The following AKR1C3 variants were observed in gnomAD, a reference collection of about 807,000 sequenced individuals.
The protein encoded by AKR1C3 is 3-alpha hydroxysteroid dehydrogenase, type II.
AKR1C3 carries 48 observed loss-of-function variants against 43.6 expected under a neutral mutation model. That is an observed-to-expected ratio of 1.10 (90% CI 0.87 to 1.40). The LOEUF (loss-of-function observed/expected upper bound fraction) is 1.40. Ranked by LOEUF, AKR1C3 falls within the 40% of genes most tolerant of loss-of-function variation. The probability of loss-of-function intolerance (pLI) is 0.00; values close to 1 mark genes in which losing one functional copy is unlikely to be tolerated. For synonymous variants in AKR1C3, 162 were observed against 139.6 expected (o/e 1.16, Z -1.13); for missense variants, 482 against 391.2 (o/e 1.23, Z -1.96).
At chr10:5,081,197 GGCTATAA>G (rs1554782311) in intron 1 of AKR1C3, among the ~76,000 whole-genome samples, 6 of 152,156 alleles carry the variant, frequency 3.9e-5, no homozygotes, top group Non-Finnish European at 1.5e-5. Flanking sequence ...TTGTAATACA[GGCTATAA>G]GCTATAAGCA....
intron 1 of AKR1C3, among the ~76,000 whole-genome samples, chr10:5,062,965 A>G (rs188945254): frequency 7.9e-5 from 12 of 152,248 alleles, no homozygotes; most frequent in Admixed American, 5.2e-4. Flanking sequence ...GGGACCTCCA[A>G]TCCCTGATTC....
At chr10:5,090,904 T>A (rs2211625), upstream of AKR1C3, among the ~76,000 whole-genome samples, 60 of 152,232 alleles carry the variant, frequency 3.9e-4, no homozygotes, top group East Asian at 0.01. Flanking sequence ...AGTCAAATGC[T>A]ATTAATAGGA....
intron 1 of AKR1C3, among the ~76,000 whole-genome samples, chr10:5,070,685 G>A (rs1225244761): frequency 6.6e-6 from 1 of 152,182 alleles, no homozygotes; most frequent in Non-Finnish European, 1.5e-5. Flanking sequence ...AATGGGATTA[G>A]TGTCCTTGTT....
intron 1 of AKR1C3, among the ~76,000 whole-genome samples, chr10:5,086,446 T>A (rs1838966801): frequency 6.6e-6 from 1 of 151,654 alleles, no homozygotes; most frequent in Non-Finnish European, 1.5e-5. Context: ...AGAGACAGTT[T>A]GTTATAATTT....
At chr10:5,107,414 T>TA in intron 8 of AKR1C3, 47 bp from the exon 9 acceptor site, 1 of 1,318,526 alleles carries the variant, frequency 7.6e-7, no homozygotes, top group Non-Finnish European at 1.1e-6. Flanking sequence ...ACTACTCCCC[T>TA]AGTAATGGAG....
At chr10:5,094,657 C>T (rs1839169023) in intron 1 of AKR1C3, 129 bp downstream of exon 1, 4 of 999,120 alleles carry the variant, frequency 4.0e-6, no homozygotes, top group Non-Finnish European at 6.0e-6. Flanking sequence ...GTTTCCTAGG[C>T]TAGGAGAAAA....
Position 5,079,457 on chromosome 10 carries a change from T to C in AKR1C3, c.85-16953T>C, listed in dbSNP as rs1838784629. ...GCTGAGGAAATACACGTTAGTGAAG[T>C]GAACAGAGGAGAAAAGCATTTCTCT... is the stretch of plus-strand genomic sequence containing the variant. On this transcript the variant is annotated intron_variant, in intron 1 of 8. Coordinates refer to the AKR1C3 transcript ENST00000439082. Among the ~76,000 whole-genome samples the C allele has an allele frequency of 2.0e-5, 3 of 152,232 alleles. No homozygotes were observed. In the South Asian group the frequency reaches 6.2e-4, roughly 32 times the overall value.
chr10:5,105,554 C>G (rs782372273), intron 7 of AKR1C3, 41 bp from the exon 8 acceptor site: 2 of 1,474,688 alleles, frequency 1.4e-6, no homozygotes, highest in Admixed American at 1.8e-5. Flanking sequence ...GGATTCACAA[C>G]TGGCAATCTA....
intron 1 of AKR1C3, among the ~76,000 whole-genome samples, chr10:5,051,305 C>A (rs1233029234): frequency 1.3e-5 from 2 of 152,182 alleles, no homozygotes; most frequent in Non-Finnish European, 2.9e-5. Context: ...CCATGTTGGT[C>A]AGACTGGTCT....
intron 1 of AKR1C3, among the ~76,000 whole-genome samples, chr10:5,094,846 TAGG>T: frequency 6.6e-6 from 1 of 152,150 alleles, no homozygotes; most frequent in East Asian, 1.9e-4. Context: ...TTAATTGCAA[TAGG>T]AGTGATTTCT....
At chr10:5,054,659 G>T (rs368714473) in intron 1 of AKR1C3, among the ~76,000 whole-genome samples, 1 of 151,890 alleles carries the variant, frequency 6.6e-6, no homozygotes, top group African/African-American at 2.4e-5. Flanking sequence ...CTCTCTTTCT[G>T]ACTCTGACTT....
At chr10:5,078,858 T>A (rs1838772807) in intron 1 of AKR1C3, among the ~76,000 whole-genome samples, 1 of 152,254 alleles carries the variant, frequency 6.6e-6, no homozygotes, top group Non-Finnish European at 1.5e-5. Context: ...GAGCTTCAGA[T>A]GCCTGGTCTG....
chr10:5,068,751 G>A (rs1368930133), intron 1 of AKR1C3, among the ~76,000 whole-genome samples: 3 of 152,160 alleles, frequency 2.0e-5, no homozygotes, highest in African/African-American at 7.2e-5. Context: ...GGGGAGAAGA[G>A]GCAAGAGCAC....
chr10:5,061,082 G>C (rs1393569209), intron 1 of AKR1C3, among the ~76,000 whole-genome samples: 2 of 152,188 alleles, frequency 1.3e-5, no homozygotes, highest in Non-Finnish European at 2.9e-5. Context: ...GCCCAGAAAG[G>C]GGCTCCCACA....
chr10:5,067,083 T>C (rs1838521761), intron 1 of AKR1C3, among the ~76,000 whole-genome samples: 1 of 152,246 alleles, frequency 6.6e-6, no homozygotes, highest in South Asian at 2.1e-4. Flanking sequence ...AGGCAACATA[T>C]GTACCATTAA....
At chr10:5,057,303 G>A (rs1838281690) in intron 1 of AKR1C3, among the ~76,000 whole-genome samples, 11 of 152,156 alleles carry the variant, frequency 7.2e-5, no homozygotes, top group Admixed American at 7.2e-4. Flanking sequence ...GTTTGTCTGA[G>A]GGCCATGACT....
At chr10:5,088,609 A>G (rs1554783607) in intron 1 of AKR1C3, among the ~76,000 whole-genome samples, 1 of 151,488 alleles carries the variant, frequency 6.6e-6, no homozygotes, top group Non-Finnish European at 1.5e-5. Flanking sequence ...CATTGGTATA[A>G]AAGTCTGTTT....
chr10:5,105,568 AT>A, intron 7 of AKR1C3, 26 bp from the exon 8 acceptor site: 2 of 1,577,152 alleles, frequency 1.3e-6, no homozygotes, highest in Non-Finnish European at 1.7e-6. Context: ...CAATCTAAAA[AT>A]AATAAAAGTT....
chr10:5,050,109 A>T (rs1179709443), intron 1 of AKR1C3, among the ~76,000 whole-genome samples: 1 of 152,166 alleles, frequency 6.6e-6, no homozygotes, highest in African/African-American at 2.4e-5. Flanking sequence ...ATTTCCATCA[A>T]CCTTGTGGTC....
Sources: gnomAD v4.1 joint callset for allele counts (sites outside exome capture counted in the v4.1 genomes callset) on GRCh38, gnomAD v4.1.1 for gene constraint, MANE v1.5 for transcripts, NCBI Gene and HGNC (gene_info 2026-07-23, HGNC 2026-07-21) for gene names.